The following TRANK1 variants were observed in gnomAD, a reference collection of about 807,000 sequenced individuals.
TRANK1 encodes the protein tetratricopeptide repeat and ankyrin repeat containing 1.
A neutral mutation model predicts 266.0 loss-of-function variants in TRANK1; 198 were observed. That is an observed-to-expected ratio of 0.74 (90% CI 0.66 to 0.84). The LOEUF (loss-of-function observed/expected upper bound fraction) is 0.84. Among genes scored for constraint, TRANK1 ranks in the 40% least tolerant of loss-of-function variants. The pLI, the probability that TRANK1 is intolerant of heterozygous loss-of-function variation, is 0.00. For synonymous variants in TRANK1, 1,396 were observed against 1,384.1 expected (o/e 1.01, Z -0.19); for missense variants, 3,326 against 3,634.6 (o/e 0.92, Z 2.18).
At position 36,857,605 on chromosome 3, in the gene TRANK1, C is replaced by A. The variant is rs1297332473; in HGVS notation, c.2117G>T (p.Ser706Ile). The change falls in exon 13 of 24, where the codon AGC becomes ATC. Residue 706 changes from serine (S) to isoleucine (I), a missense_variant. Physicochemically the swap from Ser to Ile is moderately radical, Grantham distance 142 (BLOSUM62 -2). Coordinates refer to ENST00000645898, the MANE Select transcript of TRANK1 (RefSeq NM_001329998.2). This position sits in a 1 kb window ranked among gnomAD's most constrained non-coding sequence, Gnocchi z 4.3. ...CTGGGTACCTGGGAGAGTCTCCCAGCTGTCAGGGACTGCACTTCCTTCAGG... is the reference window on the plus strand; with the variant it reads ...CTGGGTACCTGGGAGAGTCTCCCAGATGTCAGGGACTGCACTTCCTTCAGG... ...TLPEGSAVPD[S>I]WETLPGTQVT... is the part of the protein sequence containing the mutation. The A allele has an allele frequency of 3.1e-6, 5 of 1,614,058 alleles. No homozygotes were observed. Among genetic ancestry groups the A allele is most frequent in the Non-Finnish European group, 4.2e-6 (5 of 1,179,900 alleles).
At chr3:36,862,225 C>G (rs1388177156) in intron 10 of TRANK1, among the ~76,000 whole-genome samples, 1 of 152,000 alleles carries the variant, frequency 6.6e-6, no homozygotes, top group African/African-American at 2.4e-5. Context: ...TGTCTGGCAA[C>G]CCTACCACTA....
In TRANK1 at chr3:36,852,292, C is replaced by G; in HGVS notation, c.4603G>C (p.Glu1535Gln). The change falls in exon 14 of 24, where the codon GAA (glutamate) becomes CAA (glutamine). Residue 1535 changes from glutamate to glutamine, a missense_variant. Coordinates refer to ENST00000645898, the MANE Select transcript of TRANK1 (RefSeq NM_001329998.2). ...TCCCTTGGAAGGCGATCAAAAGATTCTGGGAAATAGAACTGAAGTAAATCC... is the reference window on the plus strand; with the variant it reads ...TCCCTTGGAAGGCGATCAAAAGATTGTGGGAAATAGAACTGAAGTAAATCC... ...VVDLLQFYFP[E>Q]SFDRLPRDSG... The G allele has an allele frequency of 6.2e-7, 1 of 1,610,832 alleles. No individual in the cohort carries two copies. The highest frequency in any genetic ancestry group is 8.5e-7 in the Non-Finnish European group (1 of 1,178,608).
At chr3:36,855,075 G>C in intron 13 of TRANK1, 98 bp downstream of exon 13, 1 of 1,091,476 alleles carries the variant, frequency 9.2e-7, no homozygotes, top group Non-Finnish European at 1.3e-6. Flanking sequence ...CCTTACTTCA[G>C]CTGTAAAAAC....
At chr3:36,903,325 A>G in intron 2 of TRANK1, 50 bp from the exon 3 acceptor site, 1 of 1,513,038 alleles carries the variant, frequency 6.6e-7, no homozygotes. Context: ...TACAGAAAAC[A>G]GTCTGTGAAG....
intron 1 of TRANK1, among the ~76,000 whole-genome samples, chr3:36,922,327 C>G (rs929700088): frequency 6.6e-6 from 1 of 152,204 alleles, no homozygotes; most frequent in Non-Finnish European, 1.5e-5. Context: ...GGTTCAGGGC[C>G]GGGCGCAGTG....
intron 15 of TRANK1, chr3:36,851,152 T>C (rs2078980082): frequency 3.0e-6 from 3 of 985,606 alleles, no homozygotes; most frequent in Admixed American, 6.1e-5. Context: ...TGGGGGTCAA[T>C]GTGGGGACTC....
Position 36,832,022 on chromosome 3 carries a change from C to A in TRANK1, c.7561G>T (p.Asp2521Tyr). ...AGGTAGGAGAGATGGAACCGGAAAT[C>A]CTGAATGGCTCTTGTCACGTCCTTG... Reference protein sequence around the residue: ...KPKDVTRAIQDFRFHLSYLAK... With the variant: ...KPKDVTRAIQYFRFHLSYLAK... The change falls in exon 22 of 24, where the codon GAT becomes TAT. Residue 2521 changes from aspartate to tyrosine, a missense_variant. By Grantham distance (160) the Asp-to-Tyr change is radical (BLOSUM62 -3). Coordinates refer to ENST00000645898, the MANE Select transcript of TRANK1 (RefSeq NM_001329998.2). 1 of 1,614,038 alleles carries A rather than the reference C, an allele frequency of 6.2e-7. No individual in the cohort carries two copies. The highest frequency in any genetic ancestry group is 1.1e-5 in the South Asian group (1 of 91,078).
rs2125607826 is a variant in TRANK1 at position 36,892,941 on chromosome 3, TTTC to T, written c.593_595del (p.Arg198del). The T allele has an allele frequency of 3.3e-6, 5 of 1,515,046 alleles. No homozygotes were observed. In the East Asian group the frequency reaches 1.2e-4, roughly 38 times the overall value. The allele number at this position is 1,515,046 out of a possible 1,614,324, so 93.9% of individuals were successfully genotyped here. ...CAGTGATAACTCTGGGACATGAATA[TTTC>T]TTGGTAATCGGTCTTTTTTTGCTGA... On this transcript the variant is annotated inframe_deletion, in exon 6 of 24. Transcript: ENST00000645898.
At chr3:36,939,392 A>G (rs889556190) in intron 1 of TRANK1, among the ~76,000 whole-genome samples, 2 of 152,046 alleles carry the variant, frequency 1.3e-5, no homozygotes, top group Admixed American at 6.6e-5. Context: ...TCCCATTCAC[A>G]TGACTTTGCA....
chr3:36,926,194 A>G (rs1367420691), intron 1 of TRANK1, among the ~76,000 whole-genome samples: 1 of 152,028 alleles, frequency 6.6e-6, no homozygotes, highest in Non-Finnish European at 1.5e-5. Context: ...AGTTTCCTGT[A>G]TATTGTCATT....
chr3:36,854,760 C>T (rs1274429575), intron 13 of TRANK1, among the ~76,000 whole-genome samples: 1 of 151,816 alleles, frequency 6.6e-6, no homozygotes, highest in Admixed American at 6.6e-5. Flanking sequence ...CTGCCTACCA[C>T]CCTCCCTTTT....
Position 36,903,147 on chromosome 3 carries a change from A to T in TRANK1, c.282+2T>A. The T allele has an allele frequency of 6.5e-7, 1 of 1,536,848 alleles. No homozygotes were observed. Among genetic ancestry groups the T allele is most frequent in the South Asian group, 1.2e-5 (1 of 84,032 alleles). ...CCACACCTTCACCCTCCCACCCCAT[A>T]CCTTCACGTAGGTTGGATCCCATTG... On this transcript the variant is annotated splice_donor_variant, in intron 3 of 23. Transcript: ENST00000645898. LOFTEE classifies it high-confidence loss of function.
intron 1 of TRANK1, among the ~76,000 whole-genome samples, chr3:36,916,906 C>A (rs549603697): frequency 7.2e-5 from 11 of 152,036 alleles, no homozygotes; most frequent in African/African-American, 2.7e-4. Context: ...GCTTCCACCT[C>A]CCAGGTTCAA....
Position 36,856,245 on chromosome 3 carries a change from T to G in TRANK1, c.3477A>C (p.Glu1159Asp). ...TVESIDEQEY[E>D]ACAGGAGVEP... ...CCACACCGGCTCCTCCTGCGCAGGCTTCATACTCCTGCTCATCTATGCTTT... is the reference window on the plus strand; with the variant it reads ...CCACACCGGCTCCTCCTGCGCAGGCGTCATACTCCTGCTCATCTATGCTTT... Residue 1159 changes from glutamate (E) to aspartate (D), a missense_variant, in exon 13 of 24, where the codon GAA becomes GAC. Physicochemically the swap from Glu to Asp is conservative, Grantham distance 45 (BLOSUM62 2). Transcript: ENST00000645898. 6.2e-7 allele frequency: 1 copy of G among 1,612,506 alleles called. No homozygotes were observed.
At chr3:36,863,671 G>T (rs148780026) in intron 10 of TRANK1, among the ~76,000 whole-genome samples, 1 of 152,162 alleles carries the variant, frequency 6.6e-6, no homozygotes, top group Non-Finnish European at 1.5e-5. Context: ...AGAAACTGAA[G>T]CTTAAAGAGG....
intron 1 of TRANK1, among the ~76,000 whole-genome samples, chr3:36,936,912 G>T (rs1433761381): frequency 6.6e-6 from 1 of 152,120 alleles, no homozygotes; most frequent in Non-Finnish European, 1.5e-5. Context: ...GACTGGCCTG[G>T]CCAACATGAT....
intron 15 of TRANK1, among the ~76,000 whole-genome samples, chr3:36,848,604 G>C (rs1193392236): frequency 6.6e-6 from 1 of 152,158 alleles, no homozygotes; most frequent in Non-Finnish European, 1.5e-5. Context: ...CTTGAACTAT[G>C]TAAACAAGGT....
chr3:36,901,459 T>A (rs999325507), intron 3 of TRANK1, among the ~76,000 whole-genome samples: 1 of 152,196 alleles, frequency 6.6e-6, no homozygotes, highest in Non-Finnish European at 1.5e-5. Flanking sequence ...TTTTCCTTTA[T>A]CTTGTCGCAT....
At chr3:36,917,752 GC>G (rs1362428382) in intron 1 of TRANK1, among the ~76,000 whole-genome samples, 4 of 152,222 alleles carry the variant, frequency 2.6e-5, no homozygotes, top group African/African-American at 9.6e-5. Context: ...GGGCAATATT[GC>G]CCCCAAAGGA....
Sources: allele counts gnomAD v4.1 joint callset (sites outside exome capture counted in the v4.1 genomes callset), GRCh38; gene constraint gnomAD v4.1.1; non-coding constraint Gnocchi (gnomAD v3.1); transcripts MANE v1.5; gene names NCBI Gene and HGNC (gene_info 2026-07-23, HGNC 2026-07-21).